The following KAT2B variants were observed in gnomAD, a reference collection of about 807,000 sequenced individuals.
KAT2B encodes the protein lysine acetyltransferase 2B, also known as histone acetyltransferase KAT2B.
In KAT2B, 36 loss-of-function variants were observed where a neutral mutation model predicts 105.9. The ratio of observed to expected loss-of-function variants is 0.34; its 90% CI spans 0.26 to 0.45. KAT2B has a LOEUF of 0.45. KAT2B is among the 20% of genes least tolerant of loss of function. The pLI is 1.00. For missense variants in KAT2B, 820 were observed against 1,021.6 expected, an observed-to-expected ratio of 0.80 and a Z score of 2.69; for synonymous variants, 397 against 377.9, an observed-to-expected ratio of 1.05 and a Z score of -0.59.
chr3:20,094,597 C>T lies in KAT2B; in HGVS notation c.431-666C>T, dbSNP rs374059142. On this transcript the variant is annotated intron_variant, in intron 2 of 17. Transcript: ENST00000263754. Reference sequence around the variant, plus strand: ...GATGAGTGAGGAGAGAGTCAATGGACAGGTCACAAAACTATAGTAAGACAA... The same window carrying T: ...GATGAGTGAGGAGAGAGTCAATGGATAGGTCACAAAACTATAGTAAGACAA... Among the ~76,000 whole-genome samples the T allele has an allele frequency of 4.2e-4, 64 of 152,222 alleles. 1 individual carries two copies. The South Asian group carries it at 0.012, about 28-fold the overall frequency.
chr3:20,133,100 C>G (rs1699540169), intron 11 of KAT2B, among the ~76,000 whole-genome samples: 1 of 152,160 alleles, frequency 6.6e-6, no homozygotes, highest in African/African-American at 2.4e-5. Context: ...AAACAAAAAT[C>G]CCATTTCCCC....
chr3:20,106,685 G>T (rs945622679), intron 5 of KAT2B, among the ~76,000 whole-genome samples: 2 of 151,982 alleles, frequency 1.3e-5, no homozygotes, highest in East Asian at 3.9e-4. Flanking sequence ...ACCCTGGGAA[G>T]ATTGAATAAC....
intron 2 of KAT2B, among the ~76,000 whole-genome samples, chr3:20,090,058 C>A (rs1698689997): frequency 6.6e-6 from 1 of 151,052 alleles, no homozygotes; most frequent in South Asian, 2.1e-4. Context: ...GATTTTGTAT[C>A]CTGCAACTTT....
intron 1 of KAT2B, among the ~76,000 whole-genome samples, chr3:20,062,174 AATATATAATATATAAAATATATATATTT>A (rs1698132871): frequency 2.0e-4 from 13 of 64,566 alleles, no homozygotes; most frequent in African/African-American, 7.1e-4. Context: ...TAATATATAT[AATATATAATATATAAAATATATATATTT>A]TATATAAAAT....
At chr3:20,052,978 A>G (rs1290046982) in intron 1 of KAT2B, among the ~76,000 whole-genome samples, 2 of 152,096 alleles carry the variant, frequency 1.3e-5, no homozygotes, top group Non-Finnish European at 2.9e-5. Context: ...CTCCGTCTTC[A>G]AAAAAGAAAG....
chr3:20,103,605 C>T (rs746218825), intron 5 of KAT2B, among the ~76,000 whole-genome samples: 3 of 151,934 alleles, frequency 2.0e-5, no homozygotes, highest in Non-Finnish European at 2.9e-5. Context: ...GATGGGGTCT[C>T]GCTGTGTTGC....
chr3:20,071,563 T>C (rs926027655), intron 1 of KAT2B, among the ~76,000 whole-genome samples: 4 of 152,258 alleles, frequency 2.6e-5, no homozygotes, highest in Non-Finnish European at 5.9e-5. Context: ...TAATTTTTCA[T>C]GCTTGCCTTC....
intron 1 of KAT2B, among the ~76,000 whole-genome samples, chr3:20,047,748 G>A (rs1319668848): frequency 1.3e-5 from 2 of 152,002 alleles, no homozygotes; most frequent in East Asian, 3.9e-4. Flanking sequence ...GAGTAGCTGG[G>A]ATTACAGGCA....
At chr3:20,106,697 T>C (rs1340514258) in intron 5 of KAT2B, among the ~76,000 whole-genome samples, 2 of 152,042 alleles carry the variant, frequency 1.3e-5, no homozygotes, top group East Asian at 1.9e-4. Context: ...TTGAATAACC[T>C]GTTAAAGCAC....
chr3:20,057,091 C>T (rs1184495191), intron 1 of KAT2B, among the ~76,000 whole-genome samples: 1 of 152,058 alleles, frequency 6.6e-6, no homozygotes, highest in Non-Finnish European at 1.5e-5. Context: ...GAACTGGGGC[C>T]CTGGCAATGA....
rs112256849 is a variant in KAT2B, at chr3:20,095,479, G to A, written c.576+71G>A. 1.3e-3 allele frequency: 1,428 copies of A among 1,098,336 alleles called. 13 individuals carry two copies. The African/African-American group carries it at 0.019, about 15-fold the overall frequency. The allele number at this position is 1,098,336 out of a possible 1,614,324, so 68.0% of individuals were successfully genotyped here. A position where few individuals can be genotyped will look rare whatever the true frequency, so the allele number is the denominator to read the frequency against. On this transcript the variant is annotated intron_variant, in intron 3 of 17. Transcript: ENST00000263754. The stretch of plus-strand genomic sequence containing the variant: ...GTACCCAGTCTCCATATGCCAGGTC[G>A]TGGCTGTGAAGGCTTTCAGCTCCTG...
At chr3:20,080,850 T>A (rs1368825931) in intron 2 of KAT2B, among the ~76,000 whole-genome samples, 1 of 152,242 alleles carries the variant, frequency 6.6e-6, no homozygotes, top group Non-Finnish European at 1.5e-5. Flanking sequence ...AATACTTTGG[T>A]ATATATTAGG....
At chr3:20,052,053 C>T (rs73179716) in intron 1 of KAT2B, among the ~76,000 whole-genome samples, 1,977 of 152,310 alleles carry the variant, frequency 0.013, 38 homozygotes, top group African/African-American at 0.044. Flanking sequence ...TCACATTCAT[C>T]TCTAGCATCT....
chr3:20,121,902 C>G (rs1210487704), intron 8 of KAT2B, among the ~76,000 whole-genome samples: 1 of 151,718 alleles, frequency 6.6e-6, no homozygotes, highest in Non-Finnish European at 1.5e-5. Flanking sequence ...AATGAATGAG[C>G]TATGATAGTA....
At position 20,066,352 on chromosome 3, in the gene KAT2B, C is replaced by CTTCA. The variant is rs138342880; in HGVS notation, c.304-5981_304-5980insTTCA. On this transcript the variant is annotated intron_variant, in intron 1 of 17. Coordinates refer to ENST00000263754, the MANE Select transcript of KAT2B (RefSeq NM_003884.5). ...CTTAACTGATCACATCTGCAATGAA[C>CTTCA]CTATTTCCAAATATGGCCCCATTTT... Among the ~76,000 whole-genome samples, 563 of 152,202 alleles carry CTTCA rather than the reference C, an allele frequency of 3.7e-3. 5 individuals are homozygous for CTTCA. Among genetic ancestry groups the CTTCA allele is most frequent in the African/African-American group, 0.013 (540 of 41,526 alleles).
intron 2 of KAT2B, among the ~76,000 whole-genome samples, chr3:20,076,306 C>T (rs917277908): frequency 2.6e-5 from 4 of 152,042 alleles, no homozygotes; most frequent in Admixed American, 1.3e-4. Flanking sequence ...TCTCAGGGTA[C>T]GGGGGGTATA....
intron 13 of KAT2B, among the ~76,000 whole-genome samples, chr3:20,144,170 T>TC (rs1392405720): frequency 6.7e-6 from 1 of 150,316 alleles, no homozygotes; most frequent in South Asian, 2.1e-4. Context: ...CATCTGTAGG[T>TC]CATTGCATTT....
intron 5 of KAT2B, among the ~76,000 whole-genome samples, chr3:20,107,543 A>C (rs986720311): frequency 6.7e-6 from 1 of 149,716 alleles, no homozygotes; most frequent in African/African-American, 2.4e-5. Flanking sequence ...CTGTAATCCC[A>C]GCTACTTGGG....
intron 1 of KAT2B, among the ~76,000 whole-genome samples, chr3:20,045,496 C>G (rs1350063883): frequency 1.3e-5 from 2 of 151,776 alleles, no homozygotes; most frequent in African/African-American, 2.4e-5. Flanking sequence ...GACTATAGGC[C>G]TGCACCACCA....
Sources: allele counts gnomAD v4.1 joint callset (sites outside exome capture counted in the v4.1 genomes callset), GRCh38; gene constraint gnomAD v4.1.1; transcripts MANE v1.5; gene names NCBI Gene and HGNC (gene_info 2026-07-23, HGNC 2026-07-21).